The following UBE3C variants were observed in gnomAD, a reference collection of about 807,000 sequenced individuals.
UBE3C encodes the protein ubiquitin-protein ligase E3C.
Under a neutral mutation model 129.4 loss-of-function variants are expected in UBE3C, and 42 were observed. The observed-to-expected ratio is 0.32, with a 90% CI of 0.25 to 0.42. The LOEUF (loss-of-function observed/expected upper bound fraction) is 0.42. Ranked by LOEUF, UBE3C falls within the 10% of genes least tolerant of loss-of-function variation. UBE3C has a pLI of 1.00. For synonymous variants in UBE3C, 510 were observed against 492.4 expected, an observed-to-expected ratio of 1.04 and a Z score of -0.47; for missense variants, 1,049 against 1,319.1, an observed-to-expected ratio of 0.80 and a Z score of 3.17.
At chr7:157,198,224 A>G (rs1809178287) in intron 10 of UBE3C, 2 of 1,465,348 alleles carry the variant, frequency 1.4e-6, no homozygotes, top group Non-Finnish European at 1.9e-6. Flanking sequence ...TACAAAAGGA[A>G]TTACCCAATC....
intron 1 of UBE3C, among the ~76,000 whole-genome samples, chr7:157,161,296 A>T (rs1315902859): frequency 6.6e-6 from 1 of 152,202 alleles, no homozygotes; most frequent in Non-Finnish European, 1.5e-5. Context: ...TTAGTTTCTA[A>T]AAGTTTAAAA....
chr7:157,173,162 C>A (rs189811848), intron 4 of UBE3C, among the ~76,000 whole-genome samples: 1 of 152,244 alleles, frequency 6.6e-6, no homozygotes, highest in African/African-American at 2.4e-5. Context: ...TCCCTTCAGG[C>A]CAGGAGTTTG....
intron 11 of UBE3C, among the ~76,000 whole-genome samples, chr7:157,206,483 C>CG (rs1463475991): frequency 2.0e-5 from 3 of 151,726 alleles, no homozygotes; most frequent in Non-Finnish European, 4.4e-5. Context: ...AGGCTGGTCT[C>CG]GAACTCTTGA....
chr7:157,233,752 A>G (rs1796083389), intron 18 of UBE3C, among the ~76,000 whole-genome samples: 1 of 152,226 alleles, frequency 6.6e-6, no homozygotes, highest in Non-Finnish European at 1.5e-5. Context: ...ATACCTAGAC[A>G]TGGAAGTGTT....
chr7:157,143,092 C>G (rs1318330727), intron 1 of UBE3C, among the ~76,000 whole-genome samples: 5 of 152,084 alleles, frequency 3.3e-5, no homozygotes, highest in Non-Finnish European at 7.4e-5. Context: ...GTCTCGAACT[C>G]CCGACCTCAG....
chr7:157,187,383 T>TTG (rs1260285959), intron 10 of UBE3C, among the ~76,000 whole-genome samples: 1 of 149,640 alleles, frequency 6.7e-6, no homozygotes, highest in African/African-American at 2.5e-5. Context: ...TTTATGGGGT[T>TTG]TTTTTTTTTC....
chr7:157,189,510 G>C (rs987191344), intron 10 of UBE3C, among the ~76,000 whole-genome samples: 2 of 152,162 alleles, frequency 1.3e-5, no homozygotes, highest in Non-Finnish European at 2.9e-5. Flanking sequence ...GCTTTCATCT[G>C]GCATACGTGG....
At chr7:157,211,193 A>AGAGAGAGAGAGAGAGC (rs1023528201) in intron 13 of UBE3C, among the ~76,000 whole-genome samples, 7 of 151,606 alleles carry the variant, frequency 4.6e-5, no homozygotes, top group East Asian at 3.9e-4. Context: ...AGAGAGAGAG[A>AGAGAGAGAGAGAGAGC]GCCATACTAT....
chr7:157,236,519 G>A (rs1796156855), intron 18 of UBE3C, among the ~76,000 whole-genome samples: 1 of 152,126 alleles, frequency 6.6e-6, no homozygotes, highest in Non-Finnish European at 1.5e-5. Flanking sequence ...ATTCTGTAGT[G>A]TAATATTGGC....
chr7:157,192,619 C>A, intron 10 of UBE3C: 1 of 765,062 alleles, frequency 1.3e-6, no homozygotes, highest in East Asian at 2.4e-5. Context: ...GAGTCTTACC[C>A]CACTCCCAAG....
At chr7:157,172,594 T>C (rs149009065) in intron 4 of UBE3C, among the ~76,000 whole-genome samples, 1,553 of 152,062 alleles carry the variant, frequency 0.01, 25 homozygotes, top group African/African-American at 0.035. Flanking sequence ...ACCGAGAACG[T>C]GCAGAGAAGG....
intron 2 of UBE3C, among the ~76,000 whole-genome samples, chr7:157,166,528 G>A (rs962446617): frequency 2.6e-5 from 4 of 152,104 alleles, no homozygotes; most frequent in African/African-American, 9.7e-5. Context: ...ATCACCTGAG[G>A]TTGGGAGTTC....
chr7:157,267,590 G>A lies in UBE3C; in HGVS notation c.3087G>A (p.Leu1029=), dbSNP rs200665790. The A allele has an allele frequency of 3.1e-6, 5 of 1,612,864 alleles. No individual in the cohort carries two copies. In the East Asian group the frequency reaches 1.1e-4, roughly 36 times the overall value. ...GCACACATGCTGTTTTTCAGGAGTT[G>A]TATCCCGCATTTTGTATTCACAACG... is the stretch of plus-strand genomic sequence containing the variant. ...SRPPLLGFKE[L]YPAFCIHNGG... The change falls in exon 23 of 23, where the codon TTG becomes TTA. Residue 1029 remains leucine, a synonymous_variant. Coordinates refer to ENST00000348165, the MANE Select transcript of UBE3C (RefSeq NM_014671.3).
intron 18 of UBE3C, among the ~76,000 whole-genome samples, chr7:157,243,918 A>G (rs1460269139): frequency 6.6e-6 from 1 of 152,166 alleles, no homozygotes; most frequent in African/African-American, 2.4e-5. Context: ...CATATGTTGT[A>G]TTTGGACTCT....
chr7:157,197,332 T>C (rs2116973497), intron 10 of UBE3C, among the ~76,000 whole-genome samples: 1 of 152,292 alleles, frequency 6.6e-6, no homozygotes, highest in Non-Finnish European at 1.5e-5. Flanking sequence ...ACTAAGTATG[T>C]AACAAACTGA....
intron 17 of UBE3C, among the ~76,000 whole-genome samples, chr7:157,226,782 C>A (rs1338661399): frequency 6.6e-6 from 1 of 151,526 alleles, no homozygotes; most frequent in Non-Finnish European, 1.5e-5. Context: ...CCTCTGATGC[C>A]GAGTGTCATC....
intron 22 of UBE3C, among the ~76,000 whole-genome samples, chr7:157,262,169 A>C (rs896826963): frequency 6.6e-6 from 1 of 152,094 alleles, no homozygotes; most frequent in African/African-American, 2.4e-5. Flanking sequence ...TATTGCCCTC[A>C]TGTACTCAGA....
intron 11 of UBE3C, among the ~76,000 whole-genome samples, chr7:157,204,940 C>A (rs1269738900): frequency 6.6e-6 from 1 of 152,196 alleles, no homozygotes; most frequent in Non-Finnish European, 1.5e-5. Flanking sequence ...TTCCCACAGG[C>A]ACGCAATTTG....
chr7:157,178,875 G>T, intron 6 of UBE3C, 28 bp downstream of exon 6: 1 of 1,609,020 alleles, frequency 6.2e-7, no homozygotes, highest in Non-Finnish European at 8.5e-7. Flanking sequence ...TCAGAACTGT[G>T]GCTCAGCATC....
Sources: gnomAD v4.1 joint callset for allele counts (sites outside exome capture counted in the v4.1 genomes callset) on GRCh38, gnomAD v4.1.1 for gene constraint, MANE v1.5 for transcripts, NCBI Gene and HGNC (gene_info 2026-07-23, HGNC 2026-07-21) for gene names.